The following USH2A variants were observed in gnomAD, a reference collection of about 807,000 sequenced individuals.
The protein encoded by USH2A is usherin.
USH2A carries 443 observed loss-of-function variants against 538.9 expected under a neutral mutation model. The observed-to-expected ratio is 0.82, with a 90% CI of 0.76 to 0.89. The LOEUF (loss-of-function observed/expected upper bound fraction) is 0.89. USH2A is among the 40% of genes least tolerant of loss of function. The pLI is 0.00. For synonymous variants in USH2A, 2,413 were observed against 2,273.5 expected (o/e 1.06, Z -1.75); for missense variants, 6,633 against 6,324.8 (o/e 1.05, Z -1.65).
intron 37 of USH2A, 133 bp downstream of exon 37, chr1:215,965,184 T>G: frequency 9.8e-7 from 1 of 1,024,308 alleles, no homozygotes; most frequent in Non-Finnish European, 1.4e-6. Context: ...CTTATCCGTA[T>G]AGGTTATTTT....
intron 21 of USH2A, chr1:216,174,114 A>G: frequency 1.0e-6 from 1 of 985,350 alleles, no homozygotes. Context: ...AAGGTGCATC[A>G]GCAGCCAGTC....
chr1:216,102,533 C>CTCA (rs1202574512), intron 21 of USH2A, among the ~76,000 whole-genome samples: 1 of 152,166 alleles, frequency 6.6e-6, no homozygotes, highest in African/African-American at 2.4e-5. Flanking sequence ...GGCACAGTGG[C>CTCA]TCACGCCTGT....
chr1:215,831,860 T>C (rs1483137163), intron 47 of USH2A, among the ~76,000 whole-genome samples: 1 of 151,682 alleles, frequency 6.6e-6, no homozygotes, highest in African/African-American at 2.4e-5. Flanking sequence ...ATATAGAAAA[T>C]AAATAAAGCC....
rs1416725341 is a variant in USH2A at position 216,247,192 on chromosome 1, T to C, written c.2202A>G (p.Lys734=). The C allele has an allele frequency of 6.2e-7, 1 of 1,613,964 alleles. No individual in the cohort carries two copies. Among genetic ancestry groups the C allele is most frequent in the South Asian group, 1.1e-5 (1 of 91,074 alleles). ...CAACATCATTAAAGCTTCGGAGAAA[T>C]TTAAATCCAAAATTGCAATGATCAC... is the stretch of plus-strand genomic sequence containing the variant. ...LRCDHCNFGF[K]FLRSFNDVGC... Residue 734 remains lysine (K), a synonymous_variant, in exon 13 of 72, where the codon AAA becomes AAG. Transcript: ENST00000307340.
chr1:215,626,215 G>C (rs577512349), intron 71 of USH2A, among the ~76,000 whole-genome samples: 4 of 147,692 alleles, frequency 2.7e-5, no homozygotes, highest in Non-Finnish European at 4.5e-5. Context: ...ATTAGCTGGG[G>C]GTATATATAT....
intron 21 of USH2A, among the ~76,000 whole-genome samples, chr1:216,142,001 A>T (rs12755722): frequency 6.6e-6 from 1 of 151,726 alleles, no homozygotes; most frequent in Non-Finnish European, 1.5e-5. Flanking sequence ...GAAAGGGATT[A>T]TCAAAATCCA....
At chr1:215,822,337 C>G (rs1034152399) in intron 47 of USH2A, among the ~76,000 whole-genome samples, 1 of 151,798 alleles carries the variant, frequency 6.6e-6, no homozygotes, top group Non-Finnish European at 1.5e-5. Context: ...AGATATTTTA[C>G]TCCTTTAGTT....
intron 47 of USH2A, among the ~76,000 whole-genome samples, chr1:215,818,869 T>A (rs12139361): frequency 0.034 from 5,171 of 151,852 alleles, 99 homozygotes; most frequent in African/African-American, 0.05. Flanking sequence ...TTAAAGTTTT[T>A]AATAAAGCCC....
intron 4 of USH2A, among the ~76,000 whole-genome samples, chr1:216,333,810 T>C (rs1210904391): frequency 6.6e-6 from 1 of 151,998 alleles, no homozygotes; most frequent in Non-Finnish European, 1.5e-5. Flanking sequence ...AAGAATGACA[T>C]ATTTAAAGTC....
chr1:216,135,162 T>TCACACA (rs1227457092), intron 21 of USH2A, among the ~76,000 whole-genome samples: 1 of 58,690 alleles, frequency 1.7e-5, no homozygotes, highest in African/African-American at 8.1e-5. Context: ...TCTCTCTCTC[T>TCACACA]CTCTCACACA....
chr1:216,139,126 C>T (rs1156954244), intron 21 of USH2A, among the ~76,000 whole-genome samples: 1 of 152,070 alleles, frequency 6.6e-6, no homozygotes, highest in Non-Finnish European at 1.5e-5. Context: ...TTTATTCTTT[C>T]ATCCTCTCAG....
chr1:216,323,334 A>G (rs2037655575), intron 8 of USH2A, 140 bp downstream of exon 8: 3 of 636,384 alleles, frequency 4.7e-6, no homozygotes, highest in Non-Finnish European at 2.7e-6. Context: ...ACTCACATAC[A>G]GATCTTCCCC....
In USH2A at chr1:215,705,755, C is replaced by T. The variant is rs151261465; in HGVS notation, c.12066+22275G>A. Reference sequence around the variant, plus strand: ...AAAACACTGCCACCCTGACTGCAGTCGACCAGCAATGACACAAAGCAAAAA... The same window carrying T: ...AAAACACTGCCACCCTGACTGCAGTTGACCAGCAATGACACAAAGCAAAAA... On this transcript the variant is annotated intron_variant, in intron 61 of 71. Coordinates refer to ENST00000307340, the MANE Select transcript of USH2A (RefSeq NM_206933.4). 1.4e-4 allele frequency among the ~76,000 whole-genome samples: 21 copies of T among 152,240 alleles called. 1 individual carries two copies. The South Asian group carries it at 3.7e-3, about 27-fold the overall frequency.
intron 61 of USH2A, among the ~76,000 whole-genome samples, chr1:215,685,440 T>C (rs2797242): frequency 0.74 from 111,450 of 151,022 alleles, 41,587 homozygotes; most frequent in East Asian, 0.9. Flanking sequence ...TCACTGCAAC[T>C]TCCGCCTCCT....
At chr1:215,814,092 T>A (rs147144687) in intron 48 of USH2A, among the ~76,000 whole-genome samples, 188 bp from the exon 49 acceptor site, 23 of 150,818 alleles carry the variant, frequency 1.5e-4, no homozygotes, top group African/African-American at 5.6e-4. Flanking sequence ...TTTGATAGAA[T>A]GCAGCTTTTT....
At chr1:215,855,583 G>T (rs558444498) in intron 44 of USH2A, among the ~76,000 whole-genome samples, 1 of 152,092 alleles carries the variant, frequency 6.6e-6, no homozygotes, top group South Asian at 2.1e-4. Context: ...AAAGCAATCT[G>T]CAAATTCAAT....
chr1:216,160,596 A>T (rs886620094), intron 21 of USH2A, among the ~76,000 whole-genome samples: 17 of 114,594 alleles, frequency 1.5e-4, no homozygotes, highest in African/African-American at 4.4e-4. Context: ...ACACAGTAAG[A>T]CCTCGTCTCT....
chr1:216,394,073 G>C (rs1298021199), intron 3 of USH2A, among the ~76,000 whole-genome samples: 1 of 152,036 alleles, frequency 6.6e-6, no homozygotes, highest in African/African-American at 2.4e-5. Context: ...TCAGTCACCG[G>C]GGAAAATCAT....
rs367868191 is a variant in USH2A, at chr1:216,123,709, C to T, written c.4628-26496G>A. Among the ~76,000 whole-genome samples, 15 of 152,134 alleles carry T rather than the reference C, an allele frequency of 9.9e-5. 1 individual carries two copies. Among genetic ancestry groups the T allele is most frequent in the Admixed American group, 3.9e-4 (6 of 15,272 alleles). ...AATTCAATGTTCCTGACTTACACAG[C>T]CCAATGCAAAATTATTAGAAAGAAC... is the stretch of plus-strand genomic sequence containing the variant. On this transcript the variant is annotated intron_variant, in intron 21 of 71. Coordinates refer to ENST00000307340, the MANE Select transcript of USH2A (RefSeq NM_206933.4).
Sources: allele counts gnomAD v4.1 joint callset (sites outside exome capture counted in the v4.1 genomes callset), GRCh38; gene constraint gnomAD v4.1.1; transcripts MANE v1.5; gene names NCBI Gene and HGNC (gene_info 2026-07-23, HGNC 2026-07-21).